Variants in FDPS observed in about 807,000 individuals in gnomAD.
The protein encoded by FDPS is farnesyl diphosphate synthase.
In FDPS, 29 loss-of-function variants were observed where a neutral mutation model predicts 49.5. The observed-to-expected ratio is 0.59, with a 90% CI of 0.44 to 0.80. The LOEUF (loss-of-function observed/expected upper bound fraction) is 0.80, where lower values mean the gene tolerates loss of function less well. Ranked by LOEUF, FDPS falls within the 30% of genes least tolerant of loss-of-function variation. The pLI is 0.00. For missense variants in FDPS, 414 were observed against 525.6 expected (o/e 0.79, Z 2.08); for synonymous variants, 172 against 206.4 (o/e 0.83, Z 1.43).
chr1:155,311,701 A>C (rs1648814924), intron 3 of FDPS, among the ~76,000 whole-genome samples: 1 of 152,138 alleles, frequency 6.6e-6, no homozygotes, highest in African/African-American at 2.4e-5. Context: ...AGCAGCATTT[A>C]ATCTGCACTA....
Position 155,318,038 on chromosome 1 carries a change from A to T in FDPS, c.561+17A>T. 1 of 1,613,840 alleles carries T rather than the reference A, an allele frequency of 6.2e-7. No individual in the cohort carries two copies. The highest frequency in any genetic ancestry group is 1.7e-5 in the Admixed American group (1 of 60,010). The stretch of plus-strand genomic sequence containing the variant: ...TATCAGAAGGTAATGTGGGCAGGAA[A>T]ATAGCAGTGGGTATGGGGACAGGCC... On this transcript the variant is annotated intron_variant, in intron 5 of 10. Transcript: ENST00000368356. The surrounding 1 kb of genome is among the most constrained non-coding windows in gnomAD (Gnocchi z 4.2).
At chr1:155,319,046 A>C in intron 8 of FDPS, 118 bp downstream of exon 8, 1 of 758,638 alleles carries the variant, frequency 1.3e-6, no homozygotes, top group Non-Finnish European at 2.3e-6. Flanking sequence ...ACCTTGAGCA[A>C]GTCGGTCTCG....
chr1:155,313,457 G>T (rs1649006310), intron 4 of FDPS, among the ~76,000 whole-genome samples: 1 of 152,222 alleles, frequency 6.6e-6, no homozygotes, highest in Non-Finnish European at 1.5e-5. Context: ...GATGCTGAGT[G>T]CCTGGCCTGA....
Position 155,317,973 on chromosome 1 carries a change from C to G in FDPS, c.513C>G (p.Ile171Met). The change falls in exon 5 of 11, where the codon ATC becomes ATG. Residue 171 changes from isoleucine (I) to methionine (M), a missense_variant. Transcript: ENST00000368356. Reference protein sequence around the residue: ...LQAFFLVADDIMDSSLTRRGQ... With the variant: ...LQAFFLVADDMMDSSLTRRGQ... ...CTTTCTTCCTGGTGGCAGATGACAT[C>G]ATGGATTCATCCCTTACCCGCCGGG... 6.2e-7 allele frequency: 1 copy of G among 1,613,254 alleles called. No individual in the cohort carries two copies. The highest frequency in any genetic ancestry group is 1.7e-5 in the Admixed American group (1 of 60,020).
At chr1:155,314,586 C>A (rs146838588) in intron 4 of FDPS, among the ~76,000 whole-genome samples, 4 of 151,878 alleles carry the variant, frequency 2.6e-5, no homozygotes, top group Non-Finnish European at 5.9e-5. Flanking sequence ...GCGATCCTTC[C>A]ACCTCAGCCT....
rs1650261967 is a variant in FDPS, at chr1:155,320,555, G to C, written c.1206G>C (p.Leu402=). The change falls in exon 11 of 11, where the codon CTG becomes CTC. Residue 402 remains leucine, a synonymous_variant. Transcript: ENST00000368356. ...MALIEQYAAP[L]PPAVFLGLAR... ...TCATTGAACAGTACGCAGCACCCCT[G>C]CCCCCAGCCGTCTTTCTGGGGCTTG... 10 of 1,614,176 alleles carry C rather than the reference G, an allele frequency of 6.2e-6. No homozygotes were observed. The highest frequency in any genetic ancestry group is 8.5e-6 in the Non-Finnish European group (10 of 1,180,028).
chr1:155,320,359 A>G, intron 10 of FDPS, 50 bp from the exon 11 acceptor site: 1 of 1,502,682 alleles, frequency 6.7e-7, no homozygotes. Context: ...GGGGTCCTGG[A>G]GGCTCTGGGG....
chr1:155,312,620 G>A (rs982765621), intron 4 of FDPS: 4 of 507,898 alleles, frequency 7.9e-6, no homozygotes, highest in African/African-American at 7.7e-5. Flanking sequence ...TAGACAGTGT[G>A]GACTGGGGCC....
rs960512493 is a variant in FDPS, at chr1:155,318,460, G to C, written c.684+169G>C. 45 of 893,526 alleles carry C rather than the reference G, an allele frequency of 5.0e-5. No homozygotes were observed. The highest frequency in any genetic ancestry group is 7.0e-5 in the Non-Finnish European group (40 of 570,476). 55.3% of individuals were successfully genotyped at this position (893,526 alleles called of 1,614,324 possible). ...GGGGTTGTGGTAGTGGCAAGAAAGG[G>C]CTTCTCTGTCCTGTGTAATTGGAAG... On this transcript the variant is annotated intron_variant, in intron 6 of 10. Coordinates refer to ENST00000368356, the MANE Select transcript of FDPS (RefSeq NM_002004.4). The surrounding 1 kb of genome is among the most constrained non-coding windows in gnomAD (Gnocchi z 4.2).
chr1:155,314,262 T>C (rs2148237730), intron 4 of FDPS, among the ~76,000 whole-genome samples: 1 of 151,856 alleles, frequency 6.6e-6, no homozygotes, highest in African/African-American at 2.4e-5. Context: ...CTTGGCTCAC[T>C]GCAATCTCTG....
intron 4 of FDPS, among the ~76,000 whole-genome samples, chr1:155,315,683 CA>C (rs1303843360): frequency 1.4e-5 from 2 of 142,094 alleles, no homozygotes; most frequent in African/African-American, 2.6e-5. Flanking sequence ...GACTCTGTCT[CA>C]AAAAAAAACA....
Position 155,309,779 on chromosome 1 carries a change from C to T in FDPS, c.-1-10C>T. Reference sequence around the variant, plus strand: ...GAGTGCTTAGTGCCCCCTCCCTATGCCACTCCCAGGATGCCCCTGTCCCGC... The same window carrying T: ...GAGTGCTTAGTGCCCCCTCCCTATGTCACTCCCAGGATGCCCCTGTCCCGC... On this transcript the variant is annotated splice_polypyrimidine_tract_variant and intron_variant, in intron 1 of 10. Coordinates refer to ENST00000368356, the MANE Select transcript of FDPS (RefSeq NM_002004.4). 6.5e-7 allele frequency: 1 copy of T among 1,531,690 alleles called. No individual in the cohort carries two copies. Among genetic ancestry groups the T allele is most frequent in the East Asian group, 2.3e-5 (1 of 43,072 alleles). The allele number at this position is 1,531,690 out of a possible 1,614,324, so 94.9% of individuals were successfully genotyped here.
chr1:155,317,131 T>C (rs1649532371), intron 4 of FDPS: 1 of 152,230 alleles, frequency 6.6e-6, no homozygotes, highest in African/African-American at 2.4e-5. Flanking sequence ...TCCACCTTAT[T>C]AGACCTGCAC....
In FDPS at chr1:155,320,620, G is replaced by A. The variant is rs754064593; in HGVS notation, c.*11G>A. On this transcript the variant is annotated 3_prime_UTR_variant, in exon 11 of 11. Transcript: ENST00000368356. ...AAGCGGAGAAAGTGACCTAGAGATT[G>A]CAAGGGCGGGGAGAGGAGGCTCTCA... 2.5e-6 allele frequency: 4 copies of A among 1,613,850 alleles called. No homozygotes were observed. Among genetic ancestry groups the A allele is most frequent in the South Asian group, 2.2e-5 (2 of 91,082 alleles).
chr1:155,319,478 T>G, intron 8 of FDPS, 133 bp from the exon 9 acceptor site: 1 of 898,280 alleles, frequency 1.1e-6, no homozygotes, highest in Non-Finnish European at 1.8e-6. Context: ...ACTGTCTAGG[T>G]CAGGGAAGCC....
chr1:155,319,572 C>G, intron 8 of FDPS, 39 bp from the exon 9 acceptor site: 1 of 1,607,046 alleles, frequency 6.2e-7, no homozygotes, highest in Non-Finnish European at 8.5e-7. Flanking sequence ...GATGCCGGCA[C>G]CCCTGGGGTT....
At chr1:155,319,742 T>A in intron 9 of FDPS, 52 bp from the exon 10 acceptor site, 1 of 1,614,148 alleles carries the variant, frequency 6.2e-7, no homozygotes, top group Non-Finnish European at 8.5e-7. Context: ...ACTCCTCCTC[T>A]GCCCAGGAAC....
chr1:155,310,314 T>C, intron 3 of FDPS, 109 bp downstream of exon 3: 1 of 184,652 alleles, frequency 5.4e-6, no homozygotes, highest in Non-Finnish European at 8.9e-6. Context: ...GAGAGAAAGC[T>C]TTTTTTTTTT....
intron 3 of FDPS, among the ~76,000 whole-genome samples, chr1:155,310,911 G>T (rs983381359): frequency 1.3e-5 from 2 of 152,114 alleles, no homozygotes; most frequent in Admixed American, 6.5e-5. Flanking sequence ...ATGAACTATT[G>T]CTGTGATACT....
Sources: allele counts gnomAD v4.1 joint callset (sites outside exome capture counted in the v4.1 genomes callset), GRCh38; gene constraint gnomAD v4.1.1; non-coding constraint Gnocchi (gnomAD v3.1); transcripts MANE v1.5; gene names NCBI Gene and HGNC (gene_info 2026-07-23, HGNC 2026-07-21).